LNX2: variants seen among roughly 807,000 people sequenced by gnomAD.
The protein encoded by LNX2 is ligand of numb-protein X 2, also known as ligand of Numb protein X 2.
Under a neutral mutation model 66.2 loss-of-function variants are expected in LNX2, and 35 were observed. The observed-to-expected ratio is 0.53, with a 90% confidence interval of 0.40 to 0.70. The LOEUF (loss-of-function observed/expected upper bound fraction) is 0.70, where lower values mean the gene tolerates loss of function less well. Ranked by LOEUF, LNX2 falls within the 30% of genes least tolerant of loss-of-function variation. The pLI, the probability that LNX2 is intolerant of heterozygous loss-of-function variation, is 0.00. For missense variants in LNX2, 791 were observed against 850.8 expected (o/e 0.93, Z 0.87); for synonymous variants, 337 against 315.6 (o/e 1.07, Z -0.72).
intron 5 of LNX2, among the ~76,000 whole-genome samples, 182 bp from the exon 6 acceptor site, chr13:27,560,167 T>G (rs1025673867): frequency 2.0e-5 from 3 of 152,182 alleles, no homozygotes; most frequent in African/African-American, 7.2e-5. Flanking sequence ...ATCTTAAAAC[T>G]TCAGCAGTTG....
chr13:27,573,199 T>G (rs1955303197), intron 2 of LNX2, among the ~76,000 whole-genome samples: 1 of 152,098 alleles, frequency 6.6e-6, no homozygotes, highest in African/African-American at 2.4e-5. Context: ...CACATCACAG[T>G]GGAAATCAGG....
At chr13:27,620,774 G>T, upstream of LNX2, 1 of 153,166 alleles carries the variant, frequency 6.5e-6, no homozygotes, top group Non-Finnish European at 1.5e-5. Context: ...TCCCCCACTC[G>T]CCCCGGGCTG....
Position 27,553,192 on chromosome 13 carries a change from A to T in LNX2, c.1778+16T>A. 1 of 1,605,560 alleles carries T rather than the reference A, an allele frequency of 6.2e-7. No individual in the cohort carries two copies. Among genetic ancestry groups the T allele is most frequent in the Non-Finnish European group, 8.5e-7 (1 of 1,172,266 alleles). ...TGATTATGATTTCCATAAAGCAACA[A>T]GAAAGCGCTCAGTACCTGGGAAGCC... On this transcript the variant is annotated intron_variant, in intron 8 of 9. Transcript: ENST00000316334.
chr13:27,553,458 A>C lies in LNX2; in HGVS notation c.1547-19T>G. On this transcript the variant is annotated intron_variant, in intron 7 of 9. Coordinates refer to ENST00000316334, the MANE Select transcript of LNX2 (RefSeq NM_153371.4). Reference sequence around the variant, plus strand: ...ACATCACCTGTTCAGATGAAGAAACAAGAAAAATGAGCTGAGCCACTGAGT... The same window carrying C: ...ACATCACCTGTTCAGATGAAGAAACCAGAAAAATGAGCTGAGCCACTGAGT... 6.3e-7 allele frequency: 1 copy of C among 1,590,638 alleles called. No individual in the cohort carries two copies. The highest frequency in any genetic ancestry group is 1.7e-5 in the Admixed American group (1 of 59,884).
At chr13:27,601,257 GGTCCATCTAATTCCAAA>G (rs1419943087) in intron 1 of LNX2, among the ~76,000 whole-genome samples, 1 of 152,046 alleles carries the variant, frequency 6.6e-6, no homozygotes, top group Non-Finnish European at 1.5e-5. Context: ...TTCAAACTCT[GGTCCATCTAATTCCAAA>G]GTCCACGTTC....
chr13:27,583,232 GTGTGTGTGTGTGTGTGTGTGTGTGC>G (rs1955434066), intron 1 of LNX2, among the ~76,000 whole-genome samples: 1 of 23,174 alleles, frequency 4.3e-5, no homozygotes, highest in Non-Finnish European at 7.8e-5. Context: ...GTGTGTGTGT[GTGTGTGTGTGTGTGTGTGTGTGTGC>G]GCGCGTCCTC....
chr13:27,601,988 CCT>C (rs1352118367), intron 1 of LNX2, among the ~76,000 whole-genome samples: 1 of 152,120 alleles, frequency 6.6e-6, no homozygotes, highest in Non-Finnish European at 1.5e-5. Context: ...CTCATCCTTC[CCT>C]GTTTTATCAA....
intron 1 of LNX2, among the ~76,000 whole-genome samples, chr13:27,593,921 G>T (rs1296131919): frequency 6.6e-6 from 1 of 151,754 alleles, no homozygotes; most frequent in Non-Finnish European, 1.5e-5. Flanking sequence ...TACCATTCTT[G>T]TTCTTGTTCT....
intron 8 of LNX2, among the ~76,000 whole-genome samples, chr13:27,552,564 C>T (rs1401165940): frequency 3.3e-5 from 5 of 151,572 alleles, no homozygotes; most frequent in South Asian, 2.1e-4. Flanking sequence ...GATAGGAACA[C>T]ATTCTTCCTA....
chr13:27,593,504 C>G (rs1342017202), intron 1 of LNX2, among the ~76,000 whole-genome samples: 1 of 150,894 alleles, frequency 6.6e-6, no homozygotes, highest in Non-Finnish European at 1.5e-5. Context: ...CCTCATACTA[C>G]TTTATCTCTC....
intron 1 of LNX2, among the ~76,000 whole-genome samples, chr13:27,587,688 G>A (rs1019675221): frequency 8.5e-5 from 13 of 152,164 alleles, no homozygotes; most frequent in African/African-American, 3.1e-4. Context: ...TTTTCTCATG[G>A]TATATGTCAC....
intron 1 of LNX2, among the ~76,000 whole-genome samples, chr13:27,598,661 A>T (rs1955624778): frequency 6.6e-6 from 1 of 152,190 alleles, no homozygotes; most frequent in Admixed American, 6.5e-5. Flanking sequence ...CCCAAGACCT[A>T]AAGCTAGTGA....
chr13:27,571,288 G>A (rs1319066069), intron 2 of LNX2, among the ~76,000 whole-genome samples: 1 of 152,066 alleles, frequency 6.6e-6, no homozygotes, highest in Non-Finnish European at 1.5e-5. Context: ...GCCACAGAAA[G>A]GGCAAATAAA....
chr13:27,609,713 AT>A (rs1333784938), intron 1 of LNX2, among the ~76,000 whole-genome samples: 1 of 152,220 alleles, frequency 6.6e-6, no homozygotes, highest in Non-Finnish European at 1.5e-5. Flanking sequence ...AGTACTCAAG[AT>A]TTTACCATCC....
intron 1 of LNX2, among the ~76,000 whole-genome samples, chr13:27,583,203 T>TGCGCGCGCGCGC (rs1566124642): frequency 1.8e-4 from 3 of 16,510 alleles, no homozygotes; most frequent in Non-Finnish European, 2.6e-4. Context: ...TGTGTGTGTG[T>TGCGCGCGCGCGC]GTGTGTGTGT....
intron 1 of LNX2, among the ~76,000 whole-genome samples, chr13:27,589,042 A>T (rs905073509): frequency 6.6e-6 from 1 of 152,206 alleles, no homozygotes; most frequent in African/African-American, 2.4e-5. Context: ...ATTCAATGAA[A>T]GAAAAGGGGG....
At chr13:27,552,536 G>T (rs1955018413) in intron 8 of LNX2, among the ~76,000 whole-genome samples, 1 of 152,164 alleles carries the variant, frequency 6.6e-6, no homozygotes, top group Non-Finnish European at 1.5e-5. Context: ...AATCTAAACG[G>T]ATTAGACAAC....
Position 27,583,222 on chromosome 13 carries a change from G to GTCCTCTCCAATATAACTT in LNX2, c.-100-1420_-100-1419insAAGTTATATTGGAGAGGA, listed in dbSNP as rs1555268486. ...TGTGTGTGTGTGTGTGTGTGTGTGT[G>GTCCTCTCCAATATAACTT]TGTGTGTGTGTGTGTGTGTGTGTGT... On this transcript the variant is annotated intron_variant, in intron 1 of 9. Coordinates refer to ENST00000316334, the MANE Select transcript of LNX2 (RefSeq NM_153371.4). Among the ~76,000 whole-genome samples, 94 of 21,408 alleles carry GTCCTCTCCAATATAACTT rather than the reference G, an allele frequency of 4.4e-3. 3 individuals carry two copies. The highest frequency in any genetic ancestry group is 0.038 in the East Asian group (28 of 738). The allele number at this position is 21,408 out of a possible 152,430, so 14.0% of individuals were successfully genotyped here. A position where few individuals can be genotyped will look rare whatever the true frequency, so the allele number is the denominator to read the frequency against.
intron 8 of LNX2, among the ~76,000 whole-genome samples, chr13:27,551,820 T>A (rs1250114486): frequency 3.3e-5 from 5 of 152,158 alleles, no homozygotes; most frequent in African/African-American, 1.2e-4. Context: ...TTCCTAATGC[T>A]GCATCTTCTG....
Sources: gnomAD v4.1 joint callset for allele counts (sites outside exome capture counted in the v4.1 genomes callset) on GRCh38, gnomAD v4.1.1 for gene constraint, MANE v1.5 for transcripts, NCBI Gene and HGNC (gene_info 2026-07-23, HGNC 2026-07-21) for gene names.